MET: variants seen among roughly 807,000 people sequenced by gnomAD.
MET encodes the protein MET proto-oncogene, receptor tyrosine kinase.
A neutral mutation model predicts 133.1 loss-of-function variants in MET; 48 were observed. The observed-to-expected ratio is 0.36, with a 90% confidence interval of 0.29 to 0.46. The LOEUF is 0.46. Ranked by LOEUF, MET falls within the 20% of genes least tolerant of loss-of-function variation. The probability of loss-of-function intolerance (pLI) is 1.00; values close to 1 mark genes in which losing one functional copy is unlikely to be tolerated. For missense variants in MET, 1,442 were observed against 1,695.9 expected (o/e 0.85, Z 2.63); for synonymous variants, 628 against 616.5 (o/e 1.02, Z -0.28).
chr7:116,789,425 ACTC>A lies in MET; in HGVS notation c.3798+5960_3798+5962del, dbSNP rs1380064475. On this transcript the variant is annotated intron_variant, in intron 19 of 20. Coordinates refer to ENST00000397752, the MANE Select transcript of MET (RefSeq NM_000245.4). ...GGCATCACCATTGTGTAATTTACCC[ACTC>A]CTCATTCTTTTCAGTGTTCGGTTTT... 5.3e-5 allele frequency among the ~76,000 whole-genome samples: 8 copies of A among 151,964 alleles called. No homozygotes were observed. In the East Asian group the frequency reaches 7.7e-4, roughly 15 times the overall value.
chr7:116,783,225 T>A, intron 18 of MET, 79 bp from the exon 19 acceptor site: 1 of 1,543,704 alleles, frequency 6.5e-7, no homozygotes, highest in Non-Finnish European at 8.9e-7. Context: ...TGAAGCCACT[T>A]GTTTAATCTG....
chr7:116,781,978 T>C lies in MET; in HGVS notation c.3523-10T>C, dbSNP rs2117059286. The C allele has an allele frequency of 1.3e-6, 2 of 1,572,516 alleles. No homozygotes were observed. Among genetic ancestry groups the C allele is most frequent in the Non-Finnish European group, 1.8e-6 (2 of 1,142,574 alleles). On this transcript the variant is annotated splice_polypyrimidine_tract_variant and intron_variant, in intron 17 of 20. Transcript: ENST00000397752. ...TTAGTTTATGCTTTTCTAACTCTCTTTGACTGCAGAATCCAACTGTAAAAG... is the reference window on the plus strand; with the variant it reads ...TTAGTTTATGCTTTTCTAACTCTCTCTGACTGCAGAATCCAACTGTAAAAG...
At position 116,777,454 on chromosome 7, in the gene MET, G is replaced by A. The variant is rs2117040332; in HGVS notation, c.3325G>A (p.Val1109Met). ...DNDGKKIHCA[V>M]KSLNRITDIG... Reference sequence around the variant, plus strand: ...TGATGGCAAGAAAATTCACTGTGCTGTGAAATCCTTGAACAGTAAGTGGCA... The same window carrying A: ...TGATGGCAAGAAAATTCACTGTGCTATGAAATCCTTGAACAGTAAGTGGCA... The change falls in exon 16 of 21, where the codon GTG (valine) becomes ATG (methionine). Residue 1109 changes from valine (V) to methionine (M), a missense_variant. Val to Met is a conservative substitution (Grantham distance 21). Around this residue, in one of 6 missense-constraint regions of MET, gnomAD observed 514 missense variants for 659.6 expected, o/e 0.78. Transcript: ENST00000397752. 2 of 1,613,850 alleles carry A rather than the reference G, an allele frequency of 1.2e-6. No individual in the cohort carries two copies. Among genetic ancestry groups the A allele is most frequent in the Non-Finnish European group, 1.7e-6 (2 of 1,179,814 alleles).
At chr7:116,680,253 C>A (rs969972446) in intron 1 of MET, among the ~76,000 whole-genome samples, 12 of 152,048 alleles carry the variant, frequency 7.9e-5, no homozygotes, top group African/African-American at 1.7e-4. Flanking sequence ...TTAGACATGC[C>A]TAATTTTTAT....
chr7:116,675,194 A>G (rs1796114031), intron 1 of MET, among the ~76,000 whole-genome samples: 1 of 152,232 alleles, frequency 6.6e-6, no homozygotes, highest in Non-Finnish European at 1.5e-5. Flanking sequence ...TGCTAGATCC[A>G]CATTTGCCTG....
Position 116,796,060 on chromosome 7 carries a change from C to T in MET, c.4109C>T (p.Ser1370Leu), listed in dbSNP as rs2117113091. Residue 1370 changes from serine to leucine, a missense_variant, in exon 21 of 21, where the codon TCA becomes TTA. Ser to Leu is a moderately radical substitution (Grantham distance 145). Around this residue, in one of 6 missense-constraint regions of MET, gnomAD observed 94 missense variants for 109.5 expected, o/e 0.86. Coordinates refer to ENST00000397752, the MANE Select transcript of MET (RefSeq NM_000245.4). ...KCVAPYPSLLSSEDNADDEVD... is the reference protein window; with the variant it reads ...KCVAPYPSLLLSEDNADDEVD... ...GTCGCTCCGTATCCTTCTCTGTTGT[C>T]ATCAGAAGATAACGCTGATGATGAG... 1 of 1,613,980 alleles carries T rather than the reference C, an allele frequency of 6.2e-7. No individual in the cohort carries two copies. The highest frequency in any genetic ancestry group is 8.5e-7 in the Non-Finnish European group (1 of 1,179,914).
chr7:116,786,176 G>A (rs1020866228), intron 19 of MET, among the ~76,000 whole-genome samples: 16 of 152,170 alleles, frequency 1.1e-4, no homozygotes, highest in African/African-American at 3.6e-4. Context: ...TCCTCACATG[G>A]CTAAAAGAAT....
In MET at chr7:116,757,875, A is replaced by G. The variant is rs775635934; in HGVS notation, c.2102+101A>G. On this transcript the variant is annotated intron_variant, in intron 8 of 20. Transcript: ENST00000397752. ...TTGTGTGTGTGTGTGGAGAAGAAAA[A>G]TCAAGATGTTTATTTGTTTACTCTC... is the stretch of plus-strand genomic sequence containing the variant. 5 of 1,335,650 alleles carry G rather than the reference A, an allele frequency of 3.7e-6. No homozygotes were observed. In the East Asian group the frequency reaches 9.3e-5, roughly 25 times the overall value. The allele number at this position is 1,335,650 out of a possible 1,614,324, so 82.7% of individuals were successfully genotyped here.
intron 2 of MET, among the ~76,000 whole-genome samples, chr7:116,726,010 A>G (rs958006275): frequency 1.0e-4 from 15 of 148,464 alleles, no homozygotes; most frequent in Non-Finnish European, 1.2e-4. Context: ...GCACTCCAGC[A>G]TGGGTGACAG....
chr7:116,702,331 C>T (rs1374232333), intron 2 of MET, among the ~76,000 whole-genome samples: 3 of 152,116 alleles, frequency 2.0e-5, no homozygotes, highest in African/African-American at 7.2e-5. Context: ...TATTTATTTG[C>T]CTGTTTATCT....
At chr7:116,724,412 C>T (rs1792652580) in intron 2 of MET, among the ~76,000 whole-genome samples, 1 of 152,226 alleles carries the variant, frequency 6.6e-6, no homozygotes, top group South Asian at 2.1e-4. Flanking sequence ...GATGGAAATG[C>T]AGAAATCACC....
At chr7:116,709,929 T>C (rs1791931616) in intron 2 of MET, among the ~76,000 whole-genome samples, 1 of 152,150 alleles carries the variant, frequency 6.6e-6, no homozygotes, top group African/African-American at 2.4e-5. Context: ...CTGAATTAAA[T>C]GAATAAAGAA....
At chr7:116,787,307 G>C (rs916497601) in intron 19 of MET, among the ~76,000 whole-genome samples, 1 of 152,190 alleles carries the variant, frequency 6.6e-6, no homozygotes, top group Non-Finnish European at 1.5e-5. Context: ...GGGTTAGTCT[G>C]CCATTAAGAA....
chr7:116,685,243 A>C (rs1796506871), intron 1 of MET, among the ~76,000 whole-genome samples: 1 of 152,070 alleles, frequency 6.6e-6, no homozygotes, highest in African/African-American at 2.4e-5. Flanking sequence ...CTCCTCGGAG[A>C]TCCCATCCAC....
At chr7:116,713,245 A>C (rs950135613) in intron 2 of MET, among the ~76,000 whole-genome samples, 2 of 152,106 alleles carry the variant, frequency 1.3e-5, no homozygotes, top group Non-Finnish European at 2.9e-5. Context: ...AATACAAAAA[A>C]TTAGCCGGGG....
intron 6 of MET, among the ~76,000 whole-genome samples, chr7:116,757,114 C>A (rs1414682710): frequency 6.6e-6 from 1 of 151,902 alleles, no homozygotes; most frequent in Admixed American, 6.6e-5. Flanking sequence ...CCGTGGCATG[C>A]ACCTCTAGTT....
At chr7:116,755,631 G>C (rs1794149543) in intron 6 of MET, 116 bp downstream of exon 6, 2 of 1,291,544 alleles carry the variant, frequency 1.5e-6, no homozygotes, top group African/African-American at 3.0e-5. Context: ...AAAGGGTCTT[G>C]GCCTGTCACA....
At chr7:116,784,944 G>A (rs558179437) in intron 19 of MET, among the ~76,000 whole-genome samples, 1 of 152,346 alleles carries the variant, frequency 6.6e-6, no homozygotes, top group African/African-American at 2.4e-5. Context: ...GGGGGTACAG[G>A]CATTGGGTGA....
intron 11 of MET, among the ~76,000 whole-genome samples, chr7:116,767,703 A>G (rs993523915): frequency 6.6e-6 from 1 of 151,828 alleles, no homozygotes; most frequent in African/African-American, 2.4e-5. Flanking sequence ...AGTGACTGAA[A>G]TCACCCTGAA....
Sources: gnomAD v4.1 joint callset for allele counts (sites outside exome capture counted in the v4.1 genomes callset) on GRCh38, gnomAD v4.1.1 for gene constraint, gnomAD v4.1.1 regional missense constraint, MANE v1.5 for transcripts, NCBI Gene and HGNC (gene_info 2026-07-23, HGNC 2026-07-21) for gene names.